Variants in PPP1R13L observed in about 807,000 individuals in gnomAD.
The protein encoded by PPP1R13L is relA-associated inhibitor.
A neutral mutation model predicts 80.9 loss-of-function variants in PPP1R13L; 50 were observed. The ratio of observed to expected loss-of-function variants is 0.62; its 90% CI spans 0.49 to 0.78. The LOEUF (loss-of-function observed/expected upper bound fraction) is 0.78. Among genes scored for constraint, PPP1R13L ranks in the 30% least tolerant of loss-of-function variants. The pLI, the probability that PPP1R13L is intolerant of heterozygous loss-of-function variation, is 0.00. For synonymous variants in PPP1R13L, 602 were observed against 534.3 expected, an observed-to-expected ratio of 1.13 and a Z score of -1.75; for missense variants, 1,200 against 1,205.9, an observed-to-expected ratio of 1.00 and a Z score of 0.07.
In PPP1R13L at chr19:45,392,323, T is replaced by G. The variant is rs1225221271; in HGVS notation, c.1372A>C (p.Thr458Pro). 6.2e-7 allele frequency: 1 copy of G among 1,612,880 alleles called. No homozygotes were observed. The highest frequency in any genetic ancestry group is 2.2e-5 in the East Asian group (1 of 44,880). Residue 458 changes from threonine (T) to proline (P), a missense_variant, in exon 8 of 13, where the codon ACC becomes CCC. By Grantham distance (38) the Thr-to-Pro change is conservative. Around this residue, in one of 5 missense-constraint regions of PPP1R13L, gnomAD observed 764 missense variants for 714.5 expected, o/e 1.07. Coordinates refer to ENST00000360957, the MANE Select transcript of PPP1R13L (RefSeq NM_006663.4). ...ATCTCCGGCTCAGGCTCCAGCTCGG[T>G]GGGGGGTTTGGGGGGTCCTAGCCGG... ...PVNEGPPKPP[T>P]ELEPEPEIEG...
chr19:45,396,474 G>T lies in PPP1R13L; in HGVS notation c.713-38C>A. On this transcript the variant is annotated intron_variant, in intron 4 of 12. Transcript: ENST00000360957. This position sits in a 1 kb window ranked among gnomAD's most constrained non-coding sequence, Gnocchi z 5.3. ...TTCCAGGGAGGATGAGACGGGAGGG[G>T]TGGCGAGCCCCGGATCCTGCCCGCT... 6.2e-7 allele frequency: 1 copy of T among 1,612,716 alleles called. No homozygotes were observed.
At chr19:45,399,978 C>T (rs1373585132) in intron 1 of PPP1R13L, among the ~76,000 whole-genome samples, 2 of 151,772 alleles carry the variant, frequency 1.3e-5, no homozygotes, top group South Asian at 2.1e-4. Flanking sequence ...AGGGGCCACT[C>T]CCTTCTAGAG....
chr19:45,382,409 A>T, intron 12 of PPP1R13L, 118 bp downstream of exon 12: 50 of 1,196,450 alleles, frequency 4.2e-5, no homozygotes, highest in Non-Finnish European at 5.7e-5. Flanking sequence ...AGCTTTTCAG[A>T]CCTCCCTCTC....
At chr19:45,380,517 A>T (rs1422090127) in intron 12 of PPP1R13L, among the ~76,000 whole-genome samples, 2 of 152,056 alleles carry the variant, frequency 1.3e-5, no homozygotes, top group South Asian at 2.1e-4. Context: ...CTCCATATTT[A>T]AAAAATCTCC....
chr19:45,384,659 C>A (rs1321222593), intron 11 of PPP1R13L, among the ~76,000 whole-genome samples: 2 of 152,086 alleles, frequency 1.3e-5, no homozygotes, highest in Non-Finnish European at 2.9e-5. Context: ...CGGGACCAGC[C>A]TGGGCAACAC....
At position 45,383,910 on chromosome 19, in the gene PPP1R13L, C is replaced by A. The variant is rs540889558; in HGVS notation, c.2249-1184G>T. 6.6e-5 allele frequency among the ~76,000 whole-genome samples: 10 copies of A among 151,762 alleles called. No individual in the cohort carries two copies. In the South Asian group the frequency reaches 1.9e-3, roughly 28 times the overall value. On this transcript the variant is annotated intron_variant, in intron 11 of 12. Coordinates refer to ENST00000360957, the MANE Select transcript of PPP1R13L (RefSeq NM_006663.4). ...CAAAGTAGCTGGGACTACAGGCCCA[C>A]GCCGCTACACCCGGCTAAATTGTTT...
At position 45,396,529 on chromosome 19, in the gene PPP1R13L, G is replaced by T; in HGVS notation, c.712+16C>A. ...CCCCGCGAGTCAAAGGCCCCGCGAGGGGCCCCTGGGTTCACCTTGCGCGCG... is the reference window on the plus strand; with the variant it reads ...CCCCGCGAGTCAAAGGCCCCGCGAGTGGCCCCTGGGTTCACCTTGCGCGCG... On this transcript the variant is annotated intron_variant, in intron 4 of 12. Transcript: ENST00000360957. This position sits in a 1 kb window ranked among gnomAD's most constrained non-coding sequence, Gnocchi z 5.3. The T allele has an allele frequency of 6.3e-7, 1 of 1,585,958 alleles. No individual in the cohort carries two copies. Among genetic ancestry groups the T allele is most frequent in the Non-Finnish European group, 8.5e-7 (1 of 1,169,772 alleles).
At chr19:45,397,943 G>C in intron 3 of PPP1R13L, 62 bp downstream of exon 3, 1 of 1,530,460 alleles carries the variant, frequency 6.5e-7, no homozygotes, top group East Asian at 2.3e-5. Context: ...TGAAATCCAG[G>C]CCTCTGGTCT....
Position 45,398,129 on chromosome 19 carries a change from A to C in PPP1R13L, c.74T>G (p.Met25Arg). 2.5e-6 allele frequency: 4 copies of C among 1,613,950 alleles called. No individual in the cohort carries two copies. Among genetic ancestry groups the C allele is most frequent in the Non-Finnish European group, 3.4e-6 (4 of 1,179,918 alleles). The change falls in exon 3 of 13, where the codon ATG (methionine) becomes AGG (arginine). Residue 25 changes from methionine (M) to arginine (R), a missense_variant. By Grantham distance (91) the Met-to-Arg change is moderately conservative (BLOSUM62 -1). This residue lies in a region of PPP1R13L where 764 missense variants were observed against 714.5 expected (regional missense o/e 1.07). Coordinates refer to ENST00000360957, the MANE Select transcript of PPP1R13L (RefSeq NM_006663.4). ...GTCCAGCTCCATCTGCTTCAGATCC[A>C]TGTGTTTCATGGCCAGCGCTGGGAA... The part of the protein sequence containing the change: ...MNFQSLAMKH[M>R]DLKQMELDTA...
At chr19:45,403,162 T>G (rs1035967476) in intron 1 of PPP1R13L, among the ~76,000 whole-genome samples, 1 of 152,186 alleles carries the variant, frequency 6.6e-6, no homozygotes, top group East Asian at 1.9e-4. Context: ...AGTGACATAA[T>G]TTATAAGCCG....
Position 45,380,158 on chromosome 19 carries a change from T to C in PPP1R13L, c.*32A>G. 1 of 1,612,390 alleles carries C rather than the reference T, an allele frequency of 6.2e-7. No individual in the cohort carries two copies. The highest frequency in any genetic ancestry group is 1.3e-5 in the African/African-American group (1 of 74,994). ...TGGAGGGAAGGCAGGAATGCTTGTT[T>C]CTGTCAGCCTCAGAAACCTCCTTCT... On this transcript the variant is annotated 3_prime_UTR_variant, in exon 13 of 13. Coordinates refer to ENST00000360957, the MANE Select transcript of PPP1R13L (RefSeq NM_006663.4).
intron 8 of PPP1R13L, among the ~76,000 whole-genome samples, chr19:45,388,863 G>A (rs1477477603): frequency 5.3e-5 from 8 of 151,758 alleles, no homozygotes; most frequent in African/African-American, 9.7e-5. Context: ...TGAGCCTCCC[G>A]AGTAGCTGGG....
intron 3 of PPP1R13L, among the ~76,000 whole-genome samples, chr19:45,397,782 G>T (rs914137191): frequency 3.9e-5 from 6 of 151,960 alleles, no homozygotes; most frequent in Non-Finnish European, 5.9e-5. Context: ...GTAGAGGCTG[G>T]TCTCAAACTC....
chr19:45,397,472 C>CTCTCTCTTTCTTTCTT (rs1272655512), intron 3 of PPP1R13L, among the ~76,000 whole-genome samples: 13 of 83,400 alleles, frequency 1.6e-4, no homozygotes, highest in Middle Eastern at 5.1e-3. Flanking sequence ...TTCTCTCTCT[C>CTCTCTCTTTCTTTCTT]TCTTTCTTTC....
At chr19:45,403,561 C>T (rs1010086744) in intron 1 of PPP1R13L, among the ~76,000 whole-genome samples, 6 of 152,266 alleles carry the variant, frequency 3.9e-5, no homozygotes, top group African/African-American at 1.2e-4. Context: ...CGTTTCTCCA[C>T]TCGTAATGAG....
rs769210702 is a variant in PPP1R13L, at chr19:45,385,810, G to C, written c.2081+14C>G. On this transcript the variant is annotated intron_variant, in intron 10 of 12. Coordinates refer to ENST00000360957, the MANE Select transcript of PPP1R13L (RefSeq NM_006663.4). ...CCACGGGGGACCCAGCCCACCGCGC[G>C]GGTCGGGGCTCACCAGCCGTGGCTG... 2.5e-6 allele frequency: 4 copies of C among 1,609,578 alleles called. No homozygotes were observed. The highest frequency in any genetic ancestry group is 1.3e-5 in the African/African-American group (1 of 74,868).
intron 1 of PPP1R13L, among the ~76,000 whole-genome samples, chr19:45,401,354 CAAAAAAAA>C (rs34884152): frequency 1.5e-3 from 171 of 116,406 alleles, no homozygotes; most frequent in Middle Eastern, 8.5e-3. Context: ...GACTCCGTCC[CAAAAAAAA>C]AAAAAAAAAA....
chr19:45,383,293 CTTTTTTTTTT>C (rs1164667426), intron 11 of PPP1R13L, among the ~76,000 whole-genome samples: 5 of 62,828 alleles, frequency 8.0e-5, no homozygotes, highest in African/African-American at 3.2e-4. Flanking sequence ...CGCGCCCGGC[CTTTTTTTTTT>C]TTTTTTTTTT....
chr19:45,381,660 GTGGCAC>G (rs1490225638), intron 12 of PPP1R13L, among the ~76,000 whole-genome samples: 2 of 152,032 alleles, frequency 1.3e-5, no homozygotes, highest in Non-Finnish European at 2.9e-5. Context: ...GCCAGGTGCG[GTGGCAC>G]ATGCCTGTAA....
Sources: gnomAD v4.1 joint callset for allele counts (sites outside exome capture counted in the v4.1 genomes callset) on GRCh38, gnomAD v4.1.1 for gene constraint, gnomAD v4.1.1 regional missense constraint, Gnocchi (gnomAD v3.1) non-coding constraint, MANE v1.5 for transcripts, NCBI Gene and HGNC (gene_info 2026-07-23, HGNC 2026-07-21) for gene names.